NXN: variants seen among roughly 807,000 people sequenced by gnomAD.
NXN encodes the protein nucleoredoxin.
Under a neutral mutation model 48.6 loss-of-function variants are expected in NXN, and 16 were observed. The observed-to-expected ratio is 0.33, with a 90% confidence interval of 0.22 to 0.50. The LOEUF (loss-of-function observed/expected upper bound fraction) is 0.50, where lower values mean the gene tolerates loss of function less well. Among genes scored for constraint, NXN ranks in the 20% least tolerant of loss-of-function variants. The probability of loss-of-function intolerance (pLI) is 0.98; values close to 1 mark genes in which losing one functional copy is unlikely to be tolerated. For synonymous variants in NXN, 281 were observed against 269.6 expected (o/e 1.04, Z -0.41); for missense variants, 492 against 605.5 (o/e 0.81, Z 1.97).
At chr17:929,242 C>T (rs1021087675) in intron 1 of NXN, among the ~76,000 whole-genome samples, 28 of 152,226 alleles carry the variant, frequency 1.8e-4, no homozygotes, top group African/African-American at 6.0e-4. Flanking sequence ...CCACTCTGTC[C>T]CCCACCACCT....
chr17:921,786 T>C (rs1175384455), intron 1 of NXN, among the ~76,000 whole-genome samples: 1 of 151,532 alleles, frequency 6.6e-6, no homozygotes, highest in Non-Finnish European at 1.5e-5. Context: ...GGACAACACC[T>C]GGCCGGCCCA....
At chr17:853,351 G>A (rs967570488) in intron 1 of NXN, among the ~76,000 whole-genome samples, 2 of 151,944 alleles carry the variant, frequency 1.3e-5, no homozygotes, top group African/African-American at 4.8e-5. Context: ...GGGAGGTGGA[G>A]GCAGGAGAAT....
In NXN at chr17:932,365, C is replaced by T. The variant is rs978276614; in HGVS notation, c.360+46954G>A. ...TTGCTAGAATTGCAAACTACTGGGC[C>T]CCAGCCTGGACCTACCAAGTCAAGA... On this transcript the variant is annotated intron_variant, in intron 1 of 7. Transcript: ENST00000336868. This position sits in a 1 kb window ranked among gnomAD's most constrained non-coding sequence, Gnocchi z 4.1. 1.3e-5 allele frequency among the ~76,000 whole-genome samples: 2 copies of T among 152,076 alleles called. No individual in the cohort carries two copies. The highest frequency in any genetic ancestry group is 4.8e-5 in the African/African-American group (2 of 41,410).
chr17:853,792 G>A (rs184348372), intron 1 of NXN, among the ~76,000 whole-genome samples: 477 of 146,922 alleles, frequency 3.2e-3, no homozygotes, highest in African/African-American at 0.011. Flanking sequence ...GTGCGATCTC[G>A]GCTCACTGCA....
chr17:858,844 C>T (rs1772186064), intron 1 of NXN, among the ~76,000 whole-genome samples: 1 of 152,204 alleles, frequency 6.6e-6, no homozygotes, highest in Admixed American at 6.5e-5. Flanking sequence ...CTTGTTAGAA[C>T]AGATTGGAGT....
intron 6 of NXN, 151 bp from the exon 7 acceptor site, chr17:803,957 C>T: frequency 5.3e-6 from 5 of 940,290 alleles, no homozygotes; most frequent in South Asian, 4.6e-5. Context: ...GCAGGTCTTG[C>T]TCCCCGCATG....
intron 1 of NXN, among the ~76,000 whole-genome samples, chr17:961,731 TTTAA>T (rs2069240160): frequency 6.6e-6 from 1 of 152,256 alleles, no homozygotes; most frequent in Admixed American, 6.5e-5. Flanking sequence ...TATCTATTTA[TTTAA>T]TTAACATTCC....
chr17:938,125 G>A (rs1250447986), intron 1 of NXN, among the ~76,000 whole-genome samples: 1 of 152,126 alleles, frequency 6.6e-6, no homozygotes, highest in African/African-American at 2.4e-5. Context: ...AGGTTAAGGG[G>A]CAGAGGCCCC....
rs926775357 is a variant in NXN at position 917,428 on chromosome 17, C to T, written c.360+61891G>A. Among the ~76,000 whole-genome samples, 4 of 152,234 alleles carry T rather than the reference C, an allele frequency of 2.6e-5. No homozygotes were observed. The highest frequency in any genetic ancestry group is 1.5e-5 in the Non-Finnish European group (1 of 68,038). ...AGTGCTGGGCCTCTGAAAGAACAGG[C>T]GGGAGCCGCCGCTCACATCTTTACT... On this transcript the variant is annotated intron_variant, in intron 1 of 7. Coordinates refer to ENST00000336868, the MANE Select transcript of NXN (RefSeq NM_022463.5). The surrounding 1 kb of genome is among the most constrained non-coding windows in gnomAD (Gnocchi z 4.5).
intron 1 of NXN, among the ~76,000 whole-genome samples, chr17:847,656 T>C (rs529699574): frequency 1.2e-4 from 18 of 152,196 alleles, no homozygotes; most frequent in African/African-American, 4.1e-4. Flanking sequence ...AAGATGCCTT[T>C]ATATAGAAAC....
At chr17:875,240 C>T (rs190884121) in intron 1 of NXN, among the ~76,000 whole-genome samples, 15 of 152,172 alleles carry the variant, frequency 9.9e-5, no homozygotes, top group African/African-American at 3.6e-4. Flanking sequence ...CCATGTTGGC[C>T]AGGCTGGTCT....
intron 1 of NXN, among the ~76,000 whole-genome samples, chr17:977,035 G>C (rs1217601087): frequency 6.6e-6 from 1 of 152,080 alleles, no homozygotes; most frequent in Non-Finnish European, 1.5e-5. Context: ...CAAAGTGCTG[G>C]GATAACAGGC....
intron 5 of NXN, among the ~76,000 whole-genome samples, chr17:817,728 G>A (rs1017279462): frequency 4.0e-5 from 6 of 151,532 alleles, no homozygotes; most frequent in Non-Finnish European, 5.9e-5. Flanking sequence ...GAACTTCTGG[G>A]TAAATCTGGA....
chr17:896,881 C>T (rs990372623), intron 1 of NXN: 78 of 1,219,906 alleles, frequency 6.4e-5, no homozygotes, highest in Non-Finnish European at 8.3e-5. Context: ...CCTCAACAAA[C>T]TCACGCTATT....
At chr17:895,048 A>G (rs7406806) in intron 1 of NXN, among the ~76,000 whole-genome samples, 117,144 of 122,652 alleles carry the variant, frequency 0.96, 56,033 homozygotes, top group African/African-American at 0.99. Context: ...ACTAAATCTC[A>G]CTCCGTCGCC....
At chr17:910,542 A>T (rs2068626547) in intron 1 of NXN, among the ~76,000 whole-genome samples, 1 of 152,018 alleles carries the variant, frequency 6.6e-6, no homozygotes, top group African/African-American at 2.4e-5. Flanking sequence ...TTTGTTTTTT[A>T]GAAGAATTTA....
intron 1 of NXN, among the ~76,000 whole-genome samples, chr17:955,658 A>C (rs1484691166): frequency 1.3e-5 from 2 of 149,258 alleles, no homozygotes; most frequent in African/African-American, 4.9e-5. Flanking sequence ...GCACCTCGGG[A>C]GGCCGAGGCG....
intron 1 of NXN, among the ~76,000 whole-genome samples, chr17:906,571 GGTT>G (rs769444224): frequency 9.0e-4 from 62 of 68,716 alleles, no homozygotes; most frequent in Admixed American, 2.1e-3. Flanking sequence ...TTGGTTTCTG[GGTT>G]TTTTTTTTTT....
At chr17:843,052 G>GAAAGAAAGAAAGAAAGAA (rs1555613142) in intron 1 of NXN, among the ~76,000 whole-genome samples, 1 of 114,806 alleles carries the variant, frequency 8.7e-6, no homozygotes, top group African/African-American at 3.9e-5. Flanking sequence ...AAGAAAGAAA[G>GAAAGAAAGAAAGAAAGAA]AAAGAAGGAA....
Sources: gnomAD v4.1 joint callset for allele counts (sites outside exome capture counted in the v4.1 genomes callset) on GRCh38, gnomAD v4.1.1 for gene constraint, Gnocchi (gnomAD v3.1) non-coding constraint, MANE v1.5 for transcripts, NCBI Gene and HGNC (gene_info 2026-07-23, HGNC 2026-07-21) for gene names.